The following ASZ1 variants were observed in gnomAD, a reference collection of about 807,000 sequenced individuals.
ASZ1 encodes ankyrin repeat, SAM and basic leucine zipper domain-containing protein 1.
A neutral mutation model predicts 61.8 loss-of-function variants in ASZ1; 67 were observed. That is an observed-to-expected ratio of 1.08 (90% CI 0.89 to 1.33). The LOEUF (loss-of-function observed/expected upper bound fraction) is 1.33, where lower values mean the gene tolerates loss of function less well. ASZ1 is among the 40% of genes most tolerant of loss of function. The pLI is 0.00. For missense variants in ASZ1, 577 were observed against 554.5 expected, an observed-to-expected ratio of 1.04 and a Z score of -0.41; for synonymous variants, 193 against 192.7, an observed-to-expected ratio of 1.00 and a Z score of -0.01.
chr7:117,410,958 A>C (rs1796878537), intron 4 of ASZ1, among the ~76,000 whole-genome samples: 2 of 151,714 alleles, frequency 1.3e-5, no homozygotes, highest in South Asian at 4.1e-4. Flanking sequence ...ATAATCAATA[A>C]GACTTATCAA....
chr7:117,379,142 TA>T (rs1281936382), intron 10 of ASZ1, among the ~76,000 whole-genome samples: 1 of 94,452 alleles, frequency 1.1e-5, no homozygotes. Flanking sequence ...ATTATATATA[TA>T]TATATATATA....
intron 12 of ASZ1, among the ~76,000 whole-genome samples, chr7:117,365,339 C>A (rs1562843130): frequency 6.6e-6 from 1 of 152,114 alleles, no homozygotes; most frequent in Non-Finnish European, 1.5e-5. Flanking sequence ...AATGAAAATT[C>A]TCTTAACAGG....
At chr7:117,411,269 A>G (rs1719237203) in intron 4 of ASZ1, among the ~76,000 whole-genome samples, 1 of 151,848 alleles carries the variant, frequency 6.6e-6, no homozygotes, top group African/African-American at 2.4e-5. Flanking sequence ...CATTGTTTGC[A>G]TACAGGTAAA....
intron 4 of ASZ1, among the ~76,000 whole-genome samples, chr7:117,386,554 G>A (rs1424007405): frequency 6.6e-6 from 1 of 152,048 alleles, no homozygotes; most frequent in Admixed American, 6.6e-5. Flanking sequence ...ATAACATCAT[G>A]GTCTGTTTTA....
At chr7:117,417,614 C>T in intron 4 of ASZ1, among the ~76,000 whole-genome samples, 1 of 152,164 alleles carries the variant, frequency 6.6e-6, no homozygotes, top group Non-Finnish European at 1.5e-5. Flanking sequence ...ACCATGTCCC[C>T]TAATGCTATC....
At chr7:117,422,482 G>T in intron 2 of ASZ1, 123 bp from the exon 3 acceptor site, 1 of 1,112,134 alleles carries the variant, frequency 9.0e-7, no homozygotes, top group Non-Finnish European at 1.2e-6. Flanking sequence ...ACCATGGGAA[G>T]TTTTTAATGG....
At chr7:117,418,905 G>A (rs1407846456) in intron 4 of ASZ1, among the ~76,000 whole-genome samples, 5 of 151,942 alleles carry the variant, frequency 3.3e-5, no homozygotes, top group Non-Finnish European at 5.9e-5. Flanking sequence ...AAGTTACAGC[G>A]AGCCACGATG....
At chr7:117,419,808 G>C (rs1376569685) in intron 4 of ASZ1, among the ~76,000 whole-genome samples, 1 of 152,106 alleles carries the variant, frequency 6.6e-6, no homozygotes, top group African/African-American at 2.4e-5. Flanking sequence ...TTGTAAAATT[G>C]TTTAGTTGTT....
chr7:117,421,398 A>G (rs1257492485), intron 3 of ASZ1, among the ~76,000 whole-genome samples: 1 of 151,960 alleles, frequency 6.6e-6, no homozygotes, highest in Non-Finnish European at 1.5e-5. Flanking sequence ...TATTGTTAGT[A>G]GAGACAAAGT....
At chr7:117,382,002 C>A in intron 8 of ASZ1, 67 bp downstream of exon 8, 1 of 1,024,154 alleles carries the variant, frequency 9.8e-7, no homozygotes, top group Non-Finnish European at 1.5e-6. Context: ...GAATTAATAT[C>A]TAACATTATA....
rs771767183 is a variant in ASZ1, at chr7:117,382,163, A to G, written c.813-19T>C. 5.6e-6 allele frequency: 8 copies of G among 1,438,454 alleles called. No homozygotes were observed. The highest frequency in any genetic ancestry group is 3.5e-5 in the South Asian group (3 of 85,826). The allele number at this position is 1,438,454 out of a possible 1,614,324, so 89.1% of individuals were successfully genotyped here. A position where few individuals can be genotyped will look rare whatever the true frequency, so the allele number is the denominator to read the frequency against. On this transcript the variant is annotated intron_variant, in intron 7 of 12. Transcript: ENST00000284629. ...ATATGAACTGTATACATTTATAGCA[A>G]TGTCAATTTCAGAACAGATTATAAA...
intron 10 of ASZ1, among the ~76,000 whole-genome samples, chr7:117,375,051 T>C (rs575086276): frequency 2.0e-5 from 3 of 151,972 alleles, no homozygotes; most frequent in African/African-American, 7.2e-5. Flanking sequence ...AAAACCATTG[T>C]AAAAGAAAAA....
chr7:117,390,460 T>A (rs1231932025), intron 4 of ASZ1, among the ~76,000 whole-genome samples: 1 of 152,270 alleles, frequency 6.6e-6, no homozygotes, highest in East Asian at 1.9e-4. Context: ...TGAGCCACCA[T>A]GCCCAGCTGC....
chr7:117,374,200 T>C (rs1476387671), intron 10 of ASZ1, among the ~76,000 whole-genome samples: 2 of 152,124 alleles, frequency 1.3e-5, no homozygotes, highest in Non-Finnish European at 2.9e-5. Context: ...CTGGAATACT[T>C]CTCTGAACTC....
chr7:117,399,802 C>T lies in ASZ1; in HGVS notation c.441-13993G>A, dbSNP rs574940897. On this transcript the variant is annotated intron_variant, in intron 4 of 12. Transcript: ENST00000284629. ...GATAATGGTGATGGTTTCAGAATGC[C>T]GTAAATATACTTAAACCATTGAATT... 4.0e-4 allele frequency among the ~76,000 whole-genome samples: 61 copies of T among 151,662 alleles called. 3 individuals are homozygous for T. The South Asian group carries it at 0.012, about 29-fold the overall frequency.
chr7:117,401,686 C>T (rs1478916536), intron 4 of ASZ1, among the ~76,000 whole-genome samples: 2 of 152,176 alleles, frequency 1.3e-5, no homozygotes, highest in Admixed American at 6.5e-5. Flanking sequence ...GTAATTTCCA[C>T]CTAGCAATCT....
intron 2 of ASZ1, among the ~76,000 whole-genome samples, chr7:117,423,831 C>A (rs1008593289): frequency 1.3e-5 from 2 of 149,218 alleles, no homozygotes; most frequent in Non-Finnish European, 3.0e-5. Context: ...CACTGCACTC[C>A]AGCCTGGGCG....
intron 4 of ASZ1, among the ~76,000 whole-genome samples, chr7:117,406,480 A>G (rs1796784088): frequency 1.3e-5 from 2 of 152,202 alleles, no homozygotes; most frequent in South Asian, 2.1e-4. Flanking sequence ...TGAGGTTTAA[A>G]TAGAGATAGA....
intron 3 of ASZ1, 103 bp downstream of exon 3, chr7:117,422,134 G>T: frequency 1.6e-6 from 2 of 1,274,934 alleles, no homozygotes; most frequent in South Asian, 1.6e-5. Context: ...GAATAGAAAG[G>T]TTACTTCAAA....
Sources: allele counts gnomAD v4.1 joint callset (sites outside exome capture counted in the v4.1 genomes callset), GRCh38; gene constraint gnomAD v4.1.1; transcripts MANE v1.5; gene names NCBI Gene and HGNC (gene_info 2026-07-23, HGNC 2026-07-21).